The following LSM4 variants were observed in gnomAD, a reference collection of about 807,000 sequenced individuals.
LSM4 encodes the protein U6 snRNA-associated Sm-like protein LSm4.
Under a neutral mutation model 22.3 loss-of-function variants are expected in LSM4, and 15 were observed. That is an observed-to-expected ratio of 0.67 (90% CI 0.45 to 1.03). The LOEUF (loss-of-function observed/expected upper bound fraction) is 1.03. Ranked by LOEUF, LSM4 falls within the 50% of genes least tolerant of loss-of-function variation. The pLI is 0.00. For synonymous variants in LSM4, 90 were observed against 79.8 expected (o/e 1.13, Z -0.68); for missense variants, 127 against 198.0 (o/e 0.64, Z 2.15).
chr19:18,313,627 C>T (rs1970321525), intron 2 of LSM4, among the ~76,000 whole-genome samples: 1 of 152,094 alleles, frequency 6.6e-6, no homozygotes, highest in Non-Finnish European at 1.5e-5. Flanking sequence ...AAGCCATCCT[C>T]CCACCTCAGT....
At chr19:18,310,870 TTC>T (rs923113649) in intron 3 of LSM4, among the ~76,000 whole-genome samples, 18 of 152,284 alleles carry the variant, frequency 1.2e-4, no homozygotes, top group African/African-American at 4.1e-4. Context: ...AGATGGAACT[TTC>T]TGTTTCCGGA....
At chr19:18,318,340 T>C (rs1970382238) in intron 1 of LSM4, among the ~76,000 whole-genome samples, 1 of 151,682 alleles carries the variant, frequency 6.6e-6, no homozygotes, top group Non-Finnish European at 1.5e-5. Context: ...CCAGGGGAGG[T>C]TGGTGCCAGC....
At chr19:18,313,919 A>C (rs1055769428) in intron 2 of LSM4, among the ~76,000 whole-genome samples, 5 of 152,142 alleles carry the variant, frequency 3.3e-5, no homozygotes, top group Non-Finnish European at 7.3e-5. Context: ...TCCCGGGTTC[A>C]AGTGATTCTC....
chr19:18,315,366 T>G (rs1970343465), intron 2 of LSM4, among the ~76,000 whole-genome samples: 1 of 151,622 alleles, frequency 6.6e-6, no homozygotes, highest in Admixed American at 6.6e-5. Context: ...CCTAGACTGG[T>G]CTCTGAACTC....
intron 1 of LSM4, 31 bp downstream of exon 1, chr19:18,322,987 C>A (rs1440578360): frequency 2.5e-6 from 4 of 1,592,188 alleles, no homozygotes; most frequent in East Asian, 2.3e-5. Context: ...TCCCGCCTCC[C>A]GGTGAGACCC....
chr19:18,319,844 T>C (rs1423080239), intron 1 of LSM4, among the ~76,000 whole-genome samples: 1 of 152,208 alleles, frequency 6.6e-6, no homozygotes, highest in Non-Finnish European at 1.5e-5. Context: ...TTTAATTACC[T>C]TGTTTATTAC....
intron 4 of LSM4, 113 bp downstream of exon 4, chr19:18,309,565 G>T: frequency 8.4e-7 from 1 of 1,185,492 alleles, no homozygotes; most frequent in East Asian, 2.6e-5. Flanking sequence ...AGGGGGGCCC[G>T]GGAGGGTTGG....
chr19:18,307,671 A>C, intron 4 of LSM4, 116 bp from the exon 5 acceptor site: 3 of 690,300 alleles, frequency 4.3e-6, no homozygotes, highest in Non-Finnish European at 6.7e-6. Context: ...CAGCTTCCTC[A>C]TGTGTGAGGT....
chr19:18,322,257 G>C (rs1970432510), intron 1 of LSM4, among the ~76,000 whole-genome samples: 1 of 152,210 alleles, frequency 6.6e-6, no homozygotes, highest in Admixed American at 6.5e-5. Context: ...AAAAAAGAAG[G>C]ACCAGAAGCT....
chr19:18,311,250 C>T (rs1970294499), intron 3 of LSM4, among the ~76,000 whole-genome samples: 1 of 152,142 alleles, frequency 6.6e-6, no homozygotes, highest in Non-Finnish European at 1.5e-5. Flanking sequence ...CTCCTGCCCA[C>T]AGCGCTCCAG....
chr19:18,321,844 T>G (rs1033687675), intron 1 of LSM4, among the ~76,000 whole-genome samples: 6 of 151,820 alleles, frequency 4.0e-5, no homozygotes, highest in African/African-American at 1.5e-4. Flanking sequence ...ACTTCAACAC[T>G]CCCGTCGATG....
intron 3 of LSM4, 32 bp from the exon 4 acceptor site, chr19:18,309,893 C>T: frequency 1.9e-6 from 3 of 1,605,632 alleles, no homozygotes; most frequent in Non-Finnish European, 2.5e-6. Context: ...TATTAACTTA[C>T]CACCGGGCCG....
chr19:18,319,562 AAAC>A (rs141901547), intron 1 of LSM4, among the ~76,000 whole-genome samples: 2,830 of 152,186 alleles, frequency 0.019, 85 homozygotes, highest in African/African-American at 0.061. Context: ...TTCATCTCAA[AAAC>A]AACAACAACA....
intron 1 of LSM4, 28 bp downstream of exon 1, chr19:18,322,990 T>C (rs775437838): frequency 1.9e-5 from 31 of 1,592,294 alleles, no homozygotes; most frequent in Non-Finnish European, 2.4e-5. Context: ...CGCCTCCCGG[T>C]GAGACCCCGC....
chr19:18,323,048 C>G lies in LSM4; in HGVS notation c.-28G>C, dbSNP rs1042218159. The G allele has an allele frequency of 3.3e-6, 5 of 1,531,652 alleles. No individual in the cohort carries two copies. In the Admixed American group the frequency reaches 6.1e-5, roughly 19 times the overall value. 94.9% of individuals were successfully genotyped at this position (1,531,652 alleles called of 1,614,324 possible). A position where few individuals can be genotyped will look rare whatever the true frequency, so the allele number is the denominator to read the frequency against. On this transcript the variant is annotated 5_prime_UTR_variant, in exon 1 of 5. Coordinates refer to ENST00000593829, the MANE Select transcript of LSM4 (RefSeq NM_012321.5). ...TGCCGGCGGGGACCGGGCTCGCCGG[C>G]CACTTCCGCCGCCGCCGCTGCACAC...
chr19:18,308,098 T>C (rs577700265), intron 4 of LSM4, among the ~76,000 whole-genome samples: 93 of 152,252 alleles, frequency 6.1e-4, no homozygotes, highest in African/African-American at 2.1e-3. Flanking sequence ...AGATAGACCA[T>C]GAGGACAAAT....
intron 1 of LSM4, chr19:18,316,273 T>A: frequency 2.1e-6 from 1 of 465,304 alleles, no homozygotes; most frequent in Non-Finnish European, 3.9e-6. Flanking sequence ...AAGAAAAGCC[T>A]CACACACCCT....
chr19:18,308,044 G>A (rs1255761845), intron 4 of LSM4, among the ~76,000 whole-genome samples: 2 of 152,188 alleles, frequency 1.3e-5, no homozygotes, highest in Non-Finnish European at 2.9e-5. Context: ...TCCAGCCCCA[G>A]GGATGGGGAA....
At chr19:18,311,839 C>T (rs1265678610) in intron 3 of LSM4, among the ~76,000 whole-genome samples, 1 of 152,162 alleles carries the variant, frequency 6.6e-6, no homozygotes, top group East Asian at 1.9e-4. Context: ...CAGGAAGAAG[C>T]GCCTCCCCCC....
Sources: gnomAD v4.1 joint callset for allele counts (sites outside exome capture counted in the v4.1 genomes callset) on GRCh38, gnomAD v4.1.1 for gene constraint, MANE v1.5 for transcripts, NCBI Gene and HGNC (gene_info 2026-07-23, HGNC 2026-07-21) for gene names.